The following KAZN variants were observed in gnomAD, a reference collection of about 807,000 sequenced individuals.
KAZN encodes kazrin, periplakin interacting protein, also known as kazrin.
Under a neutral mutation model 87.4 loss-of-function variants are expected in KAZN, and 40 were observed. The ratio of observed to expected loss-of-function variants is 0.46; its 90% CI spans 0.36 to 0.60. The LOEUF (loss-of-function observed/expected upper bound fraction) is 0.60, where lower values mean the gene tolerates loss of function less well. Among genes scored for constraint, KAZN ranks in the 20% least tolerant of loss-of-function variants. KAZN has a pLI of 0.00. For missense variants in KAZN, 898 were observed against 1,073.9 expected (o/e 0.84, Z 2.29); for synonymous variants, 466 against 458.3 (o/e 1.02, Z -0.22).
At chr1:14,324,464 G>A (rs1434645210) in intron 2 of KAZN, among the ~76,000 whole-genome samples, 1 of 152,192 alleles carries the variant, frequency 6.6e-6, no homozygotes, top group Non-Finnish European at 1.5e-5. Context: ...TGCTCATGAA[G>A]CCTCCATCAT....
chr1:14,710,178 C>T (rs1158346749), intron 1 of KAZN, among the ~76,000 whole-genome samples: 2 of 152,090 alleles, frequency 1.3e-5, no homozygotes, highest in Admixed American at 6.5e-5. Context: ...CTGCAGTAAG[C>T]GCCAAACAGA....
At chr1:14,129,872 G>A (rs577485073) in intron 1 of KAZN, among the ~76,000 whole-genome samples, 3 of 152,264 alleles carry the variant, frequency 2.0e-5, no homozygotes, top group Non-Finnish European at 2.9e-5. Flanking sequence ...ATCATTTCAC[G>A]ATTCTGCTGC....
chr1:14,614,308 C>CT (rs558430876), intron 1 of KAZN, among the ~76,000 whole-genome samples: 73 of 152,346 alleles, frequency 4.8e-4, no homozygotes, highest in African/African-American at 1.6e-3. Context: ...AAACCACTCT[C>CT]TTTATAGTAA....
intron 2 of KAZN, among the ~76,000 whole-genome samples, chr1:14,506,731 C>G (rs1298187468): frequency 1.3e-5 from 2 of 152,054 alleles, no homozygotes; most frequent in Non-Finnish European, 1.5e-5. Flanking sequence ...AAACACGGTG[C>G]CAGGGACAGT....
rs1256732508 is a variant in KAZN, at chr1:14,557,645, TGTGTGTGTGTGTGTGTGTGTG to T, written c.250-41330_250-41310del. ...GTGTGTGTGGGTGTGTGTGTGTGTG[TGTGTGTGTGTGTGTGTGTGTG>T]GTGTGTGAGAGAGAGAGAGAGAGAG... On this transcript the variant is annotated intron_variant, in intron 2 of 16. Coordinates refer to the KAZN transcript ENST00000636203. Among the ~76,000 whole-genome samples, 22 of 144,306 alleles carry T rather than the reference TGTGTGTGTGTGTGTGTGTGTG, an allele frequency of 1.5e-4. No individual in the cohort carries two copies. In the East Asian group the frequency reaches 4.7e-3, roughly 31 times the overall value. The allele number at this position is 144,306 out of a possible 152,430, so 94.7% of individuals were successfully genotyped here. A position where few individuals can be genotyped will look rare whatever the true frequency, so the allele number is the denominator to read the frequency against.
At chr1:14,419,760 C>CTGG (rs1665226190) in intron 2 of KAZN, among the ~76,000 whole-genome samples, 1 of 151,846 alleles carries the variant, frequency 6.6e-6, no homozygotes, top group Non-Finnish European at 1.5e-5. Flanking sequence ...GGCGGTGCGT[C>CTGG]TGGTGTTGTT....
chr1:14,622,223 C>G (rs1678752378), intron 1 of KAZN, among the ~76,000 whole-genome samples: 1 of 152,196 alleles, frequency 6.6e-6, no homozygotes, highest in Non-Finnish European at 1.5e-5. Flanking sequence ...TCCCTGAAAT[C>G]AGCCCATGGA....
intron 1 of KAZN, among the ~76,000 whole-genome samples, chr1:13,963,027 A>G (rs1641813654): frequency 6.6e-6 from 1 of 152,192 alleles, no homozygotes; most frequent in African/African-American, 2.4e-5. Flanking sequence ...GCCAGTTTGT[A>G]GGGACTTGTG....
intron 2 of KAZN, among the ~76,000 whole-genome samples, chr1:14,465,167 A>T (rs1668051933): frequency 6.6e-6 from 1 of 151,892 alleles, no homozygotes. Context: ...TGGGAGGCTG[A>T]GGCAGGTGGA....
At chr1:14,805,765 T>TAATAATAAG (rs1646193262) in intron 1 of KAZN, among the ~76,000 whole-genome samples, 1 of 21,340 alleles carries the variant, frequency 4.7e-5, no homozygotes, top group Admixed American at 4.3e-4. Context: ...CATCTCAAAA[T>TAATAATAAG]AATAATAATA....
rs376493337 is a variant in KAZN, at chr1:15,001,711, G to T, written c.419-33038G>T. 3.3e-5 allele frequency among the ~76,000 whole-genome samples: 5 copies of T among 151,934 alleles called. No homozygotes were observed. The East Asian group carries it at 9.7e-4, about 29-fold the overall frequency. On this transcript the variant is annotated intron_variant, in intron 2 of 14. Transcript: ENST00000376030. Reference sequence around the variant, plus strand: ...TCCTTCAACTGCTGGAGTGCTCCTCGCCTGTGGGGTCGACCTCACCCAGAG... The same window carrying T: ...TCCTTCAACTGCTGGAGTGCTCCTCTCCTGTGGGGTCGACCTCACCCAGAG...
intron 1 of KAZN, among the ~76,000 whole-genome samples, chr1:14,119,260 G>A (rs945693710): frequency 1.3e-5 from 2 of 152,158 alleles, no homozygotes; most frequent in African/African-American, 4.8e-5. Context: ...TTGCTGGAGA[G>A]GCAGAGAGCC....
intron 6 of KAZN, chr1:15,061,187 A>G (rs1192727698): frequency 6.6e-6 from 1 of 152,256 alleles, no homozygotes; most frequent in Non-Finnish European, 1.5e-5. Context: ...ATGATTCTCT[A>G]CCTGGAGAAC....
intron 1 of KAZN, among the ~76,000 whole-genome samples, chr1:14,920,296 T>TTTTGG: frequency 6.8e-6 from 1 of 147,408 alleles, no homozygotes; most frequent in Middle Eastern, 3.3e-3. Context: ...TTTTTTTTTT[T>TTTTGG]GGGTGGCGCC....
rs761218015 is a variant in KAZN at position 15,094,435 on chromosome 1, C to A, written c.1428+50C>A. 5.9e-6 allele frequency: 9 copies of A among 1,523,800 alleles called. No individual in the cohort carries two copies. Among genetic ancestry groups the A allele is most frequent in the East Asian group, 2.4e-5 (1 of 41,892 alleles). The allele number at this position is 1,523,800 out of a possible 1,614,324, so 94.4% of individuals were successfully genotyped here. A position where few individuals can be genotyped will look rare whatever the true frequency, so the allele number is the denominator to read the frequency against. ...GGATGCCACCCATGCCCTCTGTGAG[C>A]TTTACGTACCCAGAAGCTGGCCTGC... On this transcript the variant is annotated intron_variant, in intron 9 of 14. Transcript: ENST00000376030. This position sits in a 1 kb window ranked among gnomAD's most constrained non-coding sequence, Gnocchi z 4.5.
At chr1:14,511,645 G>A (rs1011451797) in intron 2 of KAZN, among the ~76,000 whole-genome samples, 21 of 152,294 alleles carry the variant, frequency 1.4e-4, no homozygotes, top group African/African-American at 4.8e-4. Context: ...AACATATTCT[G>A]AACAATGTAG....
chr1:15,084,623 A>T (rs559914137), intron 8 of KAZN, among the ~76,000 whole-genome samples: 1 of 152,364 alleles, frequency 6.6e-6, no homozygotes, highest in African/African-American at 2.4e-5. Flanking sequence ...ATTTTGGGAT[A>T]TAGCAAAGTG....
chr1:14,542,044 C>T (rs113398684), intron 2 of KAZN, among the ~76,000 whole-genome samples: 18 of 152,226 alleles, frequency 1.2e-4, no homozygotes, highest in Admixed American at 3.3e-4. Context: ...GCCTGGCTTA[C>T]GTGACCTTAT....
chr1:14,562,846 C>T (rs74057868), intron 2 of KAZN, among the ~76,000 whole-genome samples: 3,276 of 152,232 alleles, frequency 0.022, 111 homozygotes, highest in African/African-American at 0.075. Flanking sequence ...CAGAGATTCC[C>T]GTGGAAAGCA....
Sources: allele counts gnomAD v4.1 joint callset (sites outside exome capture counted in the v4.1 genomes callset), GRCh38; gene constraint gnomAD v4.1.1; non-coding constraint Gnocchi (gnomAD v3.1); transcripts MANE v1.5; gene names NCBI Gene and HGNC (gene_info 2026-07-23, HGNC 2026-07-21).